SNX25: variants seen among roughly 807,000 people sequenced by gnomAD.
SNX25 encodes the protein sorting nexin-25.
SNX25 carries 62 observed loss-of-function variants against 113.7 expected under a neutral mutation model. That is an observed-to-expected ratio of 0.55 (90% confidence interval 0.44 to 0.67). The LOEUF (loss-of-function observed/expected upper bound fraction) is 0.67. SNX25 is among the 30% of genes least tolerant of loss of function. The pLI, the probability that SNX25 is intolerant of heterozygous loss-of-function variation, is 0.00. For missense variants in SNX25, 1,014 were observed against 1,161.0 expected (o/e 0.87, Z 1.84); for synonymous variants, 421 against 436.2 (o/e 0.97, Z 0.43).
At chr4:185,250,670 C>A (rs1246537401) in intron 2 of SNX25, among the ~76,000 whole-genome samples, 2 of 151,212 alleles carry the variant, frequency 1.3e-5, no homozygotes, top group African/African-American at 4.9e-5. Context: ...TTTGGTTGCT[C>A]TCAGTGCTTT....
intron 7 of SNX25, among the ~76,000 whole-genome samples, chr4:185,312,722 TC>T (rs1384643534): frequency 2.0e-5 from 3 of 152,134 alleles, no homozygotes; most frequent in African/African-American, 7.2e-5. Flanking sequence ...AGACGCGGTT[TC>T]ACTGTGTTAG....
At chr4:185,207,431 T>C (rs2111450600), upstream of SNX25, among the ~76,000 whole-genome samples, 1 of 152,180 alleles carries the variant, frequency 6.6e-6, no homozygotes, top group Non-Finnish European at 1.5e-5. Flanking sequence ...TTGACCAGGC[T>C]GGTCTCAAAC....
intron 12 of SNX25, among the ~76,000 whole-genome samples, chr4:185,343,511 A>T (rs1319979770): frequency 6.6e-6 from 1 of 152,216 alleles, no homozygotes; most frequent in Non-Finnish European, 1.5e-5. Context: ...ATCTAGGTTA[A>T]TTCTTTTATT....
At chr4:185,371,953 A>G (rs75148901), downstream of SNX25, among the ~76,000 whole-genome samples, 2,933 of 152,042 alleles carry the variant, frequency 0.019, 50 homozygotes, top group South Asian at 0.06. Context: ...TCTGATGGCC[A>G]CTCTAGAGTA....
chr4:185,370,983 GAGA>G (rs2095412851), downstream of SNX25: 3 of 598,772 alleles, frequency 5.0e-6, no homozygotes, highest in African/African-American at 1.8e-5. Context: ...CTCATACCAG[GAGA>G]AGATGAGCTT....
At chr4:185,241,285 G>C (rs577779658) in intron 1 of SNX25, among the ~76,000 whole-genome samples, 5 of 152,222 alleles carry the variant, frequency 3.3e-5, no homozygotes, top group Admixed American at 6.5e-5. Context: ...AGACCAGCCC[G>C]GCCAACACAG....
chr4:185,303,824 G>C (rs1194341081), intron 6 of SNX25, among the ~76,000 whole-genome samples: 1 of 152,166 alleles, frequency 6.6e-6, no homozygotes, highest in African/African-American at 2.4e-5. Context: ...ACTCTCCACT[G>C]AAGTGGAGTG....
At chr4:185,263,710 G>A (rs992910922) in intron 3 of SNX25, among the ~76,000 whole-genome samples, 3 of 152,162 alleles carry the variant, frequency 2.0e-5, no homozygotes, top group African/African-American at 7.2e-5. Flanking sequence ...ACTAGTTACT[G>A]TAAAAATCTC....
At chr4:185,271,296 A>G (rs1053375279) in intron 5 of SNX25, among the ~76,000 whole-genome samples, 1 of 152,208 alleles carries the variant, frequency 6.6e-6, no homozygotes, top group African/African-American at 2.4e-5. Context: ...TTAGAGGCAA[A>G]AGGGATACAT....
upstream of SNX25, chr4:185,209,208 G>A (rs1737352981): frequency 6.6e-6 from 1 of 152,232 alleles, no homozygotes; most frequent in African/African-American, 2.4e-5. This position sits in a 1 kb window ranked among gnomAD's most constrained non-coding sequence, Gnocchi z 5.2. Context: ...GGGAGTCTCG[G>A]GAACGGTTGC....
At chr4:185,321,939 C>T (rs886744184) in intron 8 of SNX25, among the ~76,000 whole-genome samples, 1 of 152,164 alleles carries the variant, frequency 6.6e-6, no homozygotes, top group Non-Finnish European at 1.5e-5. Flanking sequence ...CATAGTTACA[C>T]GCAAAAACGC....
chr4:185,296,779 T>C (rs1477456046), intron 6 of SNX25, among the ~76,000 whole-genome samples: 1 of 152,218 alleles, frequency 6.6e-6, no homozygotes, highest in Non-Finnish European at 1.5e-5. Context: ...AAGTTTTAGT[T>C]TGCTCGCAAA....
intron 1 of SNX25, among the ~76,000 whole-genome samples, chr4:185,219,934 C>G (rs1175488567): frequency 8.3e-6 from 1 of 119,940 alleles, no homozygotes; most frequent in Admixed American, 8.0e-5. Context: ...TGATTTTTTT[C>G]CATTTCACTG....
At chr4:185,368,862 C>T (rs1016025320), downstream of SNX25, among the ~76,000 whole-genome samples, 2 of 150,860 alleles carry the variant, frequency 1.3e-5, no homozygotes, top group Non-Finnish European at 2.9e-5. Context: ...GGCACAGCCT[C>T]GGCTCACTGC....
intron 5 of SNX25, among the ~76,000 whole-genome samples, chr4:185,287,751 A>G (rs1751539571): frequency 6.6e-6 from 1 of 152,150 alleles, no homozygotes; most frequent in Non-Finnish European, 1.5e-5. Context: ...TTCTACAGGT[A>G]GTTATGCTTC....
At chr4:185,212,703 G>C (rs1406401289) in intron 1 of SNX25, among the ~76,000 whole-genome samples, 2 of 152,158 alleles carry the variant, frequency 1.3e-5, no homozygotes, top group African/African-American at 4.8e-5. Context: ...GCAGAAGCAT[G>C]TGGTGTAGTA....
At position 185,363,428 on chromosome 4, in the gene SNX25, G is replaced by A. The variant is rs780365840; in HGVS notation, c.2978G>A (p.Arg993Lys). The A allele has an allele frequency of 3.1e-6, 5 of 1,614,098 alleles. No homozygotes were observed. The highest frequency in any genetic ancestry group is 1.1e-5 in the South Asian group (1 of 91,084). The change falls in exon 19 of 19, where the codon AGA (arginine) becomes AAA (lysine). Residue 993 changes from arginine (R) to lysine (K), a missense_variant. Coordinates refer to ENST00000652585, the MANE Select transcript of SNX25 (RefSeq NM_001378034.2). This position sits in a 1 kb window ranked among gnomAD's most constrained non-coding sequence, Gnocchi z 4.2. ...CTAATTGAACTGTGTCCTGAGCTGAGAGTTCATTTAGATCAACTTAAAGCT... is the reference window on the plus strand; with the variant it reads ...CTAATTGAACTGTGTCCTGAGCTGAAAGTTCATTTAGATCAACTTAAAGCT... ...LLLIELCPELRVHLDQLKAGQ... is the reference protein window; with the variant it reads ...LLLIELCPELKVHLDQLKAGQ...
chr4:185,295,410 T>C (rs1560979752), intron 6 of SNX25, among the ~76,000 whole-genome samples: 1 of 151,788 alleles, frequency 6.6e-6, no homozygotes, highest in African/African-American at 2.4e-5. Context: ...ACACACAATA[T>C]AAATATAGTT....
chr4:185,316,739 G>A (rs556727283), intron 7 of SNX25, among the ~76,000 whole-genome samples: 11 of 152,328 alleles, frequency 7.2e-5, no homozygotes, highest in Non-Finnish European at 1.5e-4. Flanking sequence ...CGACTTGAGT[G>A]TGAAAGGGTT....
Sources: allele counts gnomAD v4.1 joint callset (sites outside exome capture counted in the v4.1 genomes callset), GRCh38; gene constraint gnomAD v4.1.1; non-coding constraint Gnocchi (gnomAD v3.1); transcripts MANE v1.5; gene names NCBI Gene and HGNC (gene_info 2026-07-23, HGNC 2026-07-21).